Variants in XK observed in about 807,000 individuals in gnomAD.
XK encodes X-linked Kx blood group antigen, Kell and VPS13A binding protein.
In XK, 2 loss-of-function variants were observed where a neutral mutation model predicts 14.0. The ratio of observed to expected loss-of-function variants is 0.14; its 90% CI spans 0.06 to 0.45. The LOEUF (loss-of-function observed/expected upper bound fraction) is 0.45. XK is among the 20% of genes least tolerant of loss of function. The pLI is 0.98. For synonymous variants in XK, 149 were observed against 147.5 expected (o/e 1.01, Z -0.08); for missense variants, 235 against 341.5 (o/e 0.69, Z 2.46).
At chrX:37,705,431 GAA>G (rs1927504219) in intron 2 of XK, among the ~76,000 whole-genome samples, 1 of 105,310 alleles carries the variant, frequency 9.5e-6, no homozygotes, top group Non-Finnish European at 1.9e-5. Context: ...CAGCCTGGGT[GAA>G]AGAGCGAGAC....
chrX:37,708,277 T>C (rs1927590879), intron 2 of XK, among the ~76,000 whole-genome samples: 1 of 111,511 alleles, frequency 9.0e-6, no homozygotes, highest in African/African-American at 3.3e-5. Context: ...GCAGCAGGCT[T>C]GATCACGGAG....
chrX:37,723,377 A>G (rs1927916961), intron 2 of XK, among the ~76,000 whole-genome samples: 1 of 111,691 alleles, frequency 9.0e-6, no homozygotes, highest in South Asian at 3.7e-4. Context: ...ATCATTTTGT[A>G]CAAGCTTCTT....
intron 2 of XK, among the ~76,000 whole-genome samples, chrX:37,700,280 G>C (rs1382785170): frequency 8.9e-6 from 1 of 111,739 alleles, no homozygotes; most frequent in Non-Finnish European, 1.9e-5. Context: ...CCACCATCAG[G>C]TTGATGAGGT....
chrX:37,695,898 A>T (rs1021347224), intron 2 of XK, among the ~76,000 whole-genome samples: 2 of 112,241 alleles, frequency 1.8e-5, no homozygotes, highest in Admixed American at 1.9e-4. Context: ...ATATAGCAAC[A>T]TCCGTGTTCT....
intron 2 of XK, among the ~76,000 whole-genome samples, chrX:37,699,312 G>A (rs1035055842): frequency 3.6e-5 from 4 of 112,123 alleles, no homozygotes; most frequent in Non-Finnish European, 7.5e-5. Flanking sequence ...ATTTGTCTTG[G>A]TAGTGACAGG....
chrX:37,705,520 G>A (rs182076892), intron 2 of XK, among the ~76,000 whole-genome samples: 62 of 109,999 alleles, frequency 5.6e-4, no homozygotes, highest in Middle Eastern at 4.8e-3. Context: ...CTGAAATGAT[G>A]ACTGTTAACA....
intron 1 of XK, among the ~76,000 whole-genome samples, chrX:37,693,501 G>GTGTGTGTGTGTGTA (rs1435043646): frequency 1.8e-5 from 2 of 110,297 alleles, no homozygotes; most frequent in African/African-American, 6.6e-5. Flanking sequence ...GTGTGTGTGT[G>GTGTGTGTGTGTGTA]TATGTACTTC....
At chrX:37,721,095 A>G (rs1927861614) in intron 2 of XK, among the ~76,000 whole-genome samples, 1 of 111,171 alleles carries the variant, frequency 9.0e-6, no homozygotes, top group Non-Finnish European at 1.9e-5. Flanking sequence ...ACACTGTTTT[A>G]CATAGATCTT....
chrX:37,724,830 A>T (rs1385929611), intron 2 of XK, among the ~76,000 whole-genome samples: 2 of 111,384 alleles, frequency 1.8e-5, no homozygotes, highest in Non-Finnish European at 3.8e-5. Flanking sequence ...AGTAAAAAAA[A>T]AAATGGGCCA....
At chrX:37,722,294 A>AT (rs1217584887) in intron 2 of XK, among the ~76,000 whole-genome samples, 10 of 111,026 alleles carry the variant, frequency 9.0e-5, no homozygotes, top group South Asian at 3.7e-4. Context: ...CCAATGAAGG[A>AT]TTTTTTTTAA....
chrX:37,707,026 T>C (rs1200165578), intron 2 of XK, among the ~76,000 whole-genome samples: 18 of 112,781 alleles, frequency 1.6e-4, no homozygotes, highest in African/African-American at 5.5e-4. Context: ...CTCCCATGTC[T>C]ACTTCTTTCT....
chrX:37,703,246 T>C (rs1432899803), intron 2 of XK, among the ~76,000 whole-genome samples: 1 of 112,479 alleles, frequency 8.9e-6, no homozygotes, highest in Non-Finnish European at 1.9e-5. Flanking sequence ...TTTAGGACTT[T>C]AGCATAATAC....
At chrX:37,705,184 G>A (rs782376366) in intron 2 of XK, among the ~76,000 whole-genome samples, 6 of 110,956 alleles carry the variant, frequency 5.4e-5, no homozygotes, top group South Asian at 3.8e-4. Flanking sequence ...GGTAGCTCAC[G>A]CCTGTAATCC....
Position 37,731,862 on chromosome X carries a change from C to A in XK, c.*3400C>A, listed in dbSNP as rs1320765233. 1 of 112,215 alleles carries A rather than the reference C, an allele frequency of 8.9e-6. No homozygotes were observed. Among genetic ancestry groups the A allele is most frequent in the African/African-American group, 3.2e-5 (1 of 30,934 alleles). 9.2% of individuals were successfully genotyped at this position (112,215 alleles called of 1,213,427 possible). On this transcript the variant is annotated 3_prime_UTR_variant, in exon 3 of 3. Transcript: ENST00000378616. ...ATAATTGTGCTTTACAACTTGAATG[C>A]TGATTCAAGGCATTATTTGGATGTG...
At position 37,730,156 on chromosome X, in the gene XK, A is replaced by G. The variant is rs1186775328; in HGVS notation, c.*1694A>G. 1.8e-5 allele frequency: 2 copies of G among 111,700 alleles called. No individual in the cohort carries two copies. Among genetic ancestry groups the G allele is most frequent in the Non-Finnish European group, 3.8e-5 (2 of 53,106 alleles). The allele number at this position is 111,700 out of a possible 1,213,427, so 9.2% of individuals were successfully genotyped here. The stretch of plus-strand genomic sequence containing the variant: ...TGTGGGGGTGTCCAGGCAGTAGATC[A>G]TTTTTTGTCTATTTTTAACCAAATA... On this transcript the variant is annotated 3_prime_UTR_variant, in exon 3 of 3. Coordinates refer to ENST00000378616, the MANE Select transcript of XK (RefSeq NM_021083.4).
intron 2 of XK, among the ~76,000 whole-genome samples, chrX:37,721,024 C>T (rs1466591295): frequency 9.0e-6 from 1 of 110,752 alleles, no homozygotes; most frequent in Non-Finnish European, 1.9e-5. Flanking sequence ...TGGGTAGATG[C>T]CCAGTAGTAG....
chrX:37,701,106 C>T (rs782813872), intron 2 of XK, among the ~76,000 whole-genome samples: 3 of 111,859 alleles, frequency 2.7e-5, no homozygotes, highest in Non-Finnish European at 3.8e-5. Flanking sequence ...TAAAAGCTCT[C>T]TGGCCTAGGA....
intron 2 of XK, among the ~76,000 whole-genome samples, chrX:37,697,749 C>T (rs1927330333): frequency 8.9e-6 from 1 of 112,074 alleles, no homozygotes; most frequent in South Asian, 3.7e-4. Context: ...TATACAATCA[C>T]CACCACTGTC....
chrX:37,731,584 G>T lies in XK; in HGVS notation c.*3122G>T, dbSNP rs1569475874. 8.9e-6 allele frequency: 1 copy of T among 112,153 alleles called. No individual in the cohort carries two copies. Among genetic ancestry groups the T allele is most frequent in the African/African-American group, 3.2e-5 (1 of 30,891 alleles). 9.2% of individuals were successfully genotyped at this position (112,153 alleles called of 1,213,427 possible). On this transcript the variant is annotated 3_prime_UTR_variant, in exon 3 of 3. Coordinates refer to ENST00000378616, the MANE Select transcript of XK (RefSeq NM_021083.4). ...TATAGTTATTCAAATCCATAAGCAG[G>T]TTATTTTTATTTTTTTACTGTTTGA...
Sources: gnomAD v4.1 joint callset for allele counts (sites outside exome capture counted in the v4.1 genomes callset) on GRCh38, gnomAD v4.1.1 for gene constraint, MANE v1.5 for transcripts, NCBI Gene and HGNC (gene_info 2026-07-23, HGNC 2026-07-21) for gene names.